ZC3HAV1L: variants seen among roughly 807,000 people sequenced by gnomAD.
ZC3HAV1L encodes the protein ZC3HAV1 like.
Under a neutral mutation model 28.2 loss-of-function variants are expected in ZC3HAV1L, and 23 were observed. That is an observed-to-expected ratio of 0.82 (90% CI 0.59 to 1.16). ZC3HAV1L has a LOEUF of 1.16. Ranked by LOEUF, ZC3HAV1L falls within the 50% of genes most tolerant of loss-of-function variation. The pLI is 0.00. For missense variants in ZC3HAV1L, 376 were observed against 387.7 expected (o/e 0.97, Z 0.25); for synonymous variants, 180 against 163.4 (o/e 1.10, Z -0.78).
At chr7:139,026,886 C>T (rs1815369699) in intron 3 of ZC3HAV1L, 53 bp from the exon 4 acceptor site, 67 of 1,569,984 alleles carry the variant, frequency 4.3e-5, no homozygotes, top group Non-Finnish European at 5.5e-5. Flanking sequence ...TTTCATTTTA[C>T]GTTGGGAGCA....
chr7:139,026,753 G>A lies in ZC3HAV1L; in HGVS notation c.841C>T (p.Pro281Ser). The change falls in exon 4 of 5, where the codon CCT becomes TCT. Residue 281 changes from proline (P) to serine (S), a missense_variant. Transcript: ENST00000275766. ...VHAAGAAEAG[P>S]LASVPAQSAK... ...GACTGAGCAGGGACAGAAGCCAGAG[G>A]ACCAGCTTCTGCAGCTCCAGCTGCG... 2 of 1,614,154 alleles carry A rather than the reference G, an allele frequency of 1.2e-6. No individual in the cohort carries two copies. The highest frequency in any genetic ancestry group is 1.7e-6 in the Non-Finnish European group (2 of 1,180,032).
At chr7:139,030,751 AG>A (rs35827385) in intron 2 of ZC3HAV1L, among the ~76,000 whole-genome samples, 73,116 of 149,050 alleles carry the variant, frequency 0.49, 18,147 homozygotes, top group Non-Finnish European at 0.53. Context: ...CCTGGGTGGC[AG>A]AGGTTGCAGT....
intron 3 of ZC3HAV1L, among the ~76,000 whole-genome samples, chr7:139,027,431 G>GGGAT (rs1270091372): frequency 1.3e-5 from 2 of 152,204 alleles, no homozygotes; most frequent in African/African-American, 2.4e-5. Flanking sequence ...CCAACACTTT[G>GGGAT]GGAGGCCAGG....
intron 2 of ZC3HAV1L, among the ~76,000 whole-genome samples, chr7:139,032,570 C>A (rs930990632): frequency 2.7e-5 from 4 of 149,078 alleles, no homozygotes; most frequent in South Asian, 2.1e-4. Context: ...TTGCAGTGAG[C>A]CGAGACCTCA....
chr7:139,030,985 T>C (rs10280239), intron 2 of ZC3HAV1L, among the ~76,000 whole-genome samples: 70,176 of 151,922 alleles, frequency 0.46, 16,793 homozygotes, highest in Non-Finnish European at 0.52. Flanking sequence ...GATGACCTGG[T>C]TTAAAATGAA....
At position 139,035,652 on chromosome 7, in the gene ZC3HAV1L, C is replaced by T. The variant is rs1434016542; in HGVS notation, c.365+1G>A. 6.3e-6 allele frequency: 9 copies of T among 1,425,714 alleles called. No individual in the cohort carries two copies. The highest frequency in any genetic ancestry group is 8.2e-6 in the Non-Finnish European group (9 of 1,098,222). 88.3% of individuals were successfully genotyped at this position (1,425,714 alleles called of 1,614,324 possible). A position where few individuals can be genotyped will look rare whatever the true frequency, so the allele number is the denominator to read the frequency against. ...GTCCCCGCCCGCCGCCGCCTTCTCA[C>T]CAGCAGTCCCGGTTGGGGCACTTGC... On this transcript the variant is annotated splice_donor_variant, in intron 1 of 4. Transcript: ENST00000275766. LOFTEE classifies it high-confidence loss of function.
intron 2 of ZC3HAV1L, among the ~76,000 whole-genome samples, chr7:139,033,562 G>A (rs1272432721): frequency 6.6e-6 from 1 of 152,146 alleles, no homozygotes; most frequent in Non-Finnish European, 1.5e-5. Context: ...CCCAGGTGAT[G>A]GGGACAAGTG....
At chr7:139,035,429 G>A in intron 1 of ZC3HAV1L, 2 of 985,400 alleles carry the variant, frequency 2.0e-6, no homozygotes, top group Non-Finnish European at 2.4e-6. Context: ...TTTCTGGCGT[G>A]GGCGGTTGAG....
In ZC3HAV1L at chr7:139,035,822, C is replaced by G. The variant is rs1217358494; in HGVS notation, c.196G>C (p.Glu66Gln). The G allele has an allele frequency of 2.0e-6, 3 of 1,483,928 alleles. No individual in the cohort carries two copies. The highest frequency in any genetic ancestry group is 2.9e-5 in the African/African-American group (2 of 68,202). 91.9% of individuals were successfully genotyped at this position (1,483,928 alleles called of 1,614,324 possible). The stretch of plus-strand genomic sequence containing the variant: ...CCGCCCACCGCGCCGGCCGCCGCCT[C>G]GGCCTCCGCGTCCCCGAGGCCCTCC... Reference protein sequence around the residue: ...TQEGLGDAEAEAAAGAVGGGG... With the variant: ...TQEGLGDAEAQAAAGAVGGGG... The change falls in exon 1 of 5, where the codon GAG (glutamate) becomes CAG (glutamine). Residue 66 changes from glutamate to glutamine, a missense_variant. Glu to Gln is a conservative substitution (Grantham distance 29). Transcript: ENST00000275766.
intron 3 of ZC3HAV1L, among the ~76,000 whole-genome samples, chr7:139,027,819 A>C (rs994182677): frequency 1.3e-5 from 2 of 152,256 alleles, no homozygotes; most frequent in African/African-American, 4.8e-5. Context: ...TTTGAGCACA[A>C]TTGGATTCGT....
chr7:139,025,194 ATC>A (rs899130935), downstream of ZC3HAV1L, among the ~76,000 whole-genome samples: 19 of 152,286 alleles, frequency 1.2e-4, no homozygotes, highest in Non-Finnish European at 2.8e-4. Context: ...CACACCTGTA[ATC>A]CCAGCAGTTT....
rs377662899 is a variant in ZC3HAV1L, at chr7:139,026,964, G to A, written c.761-131C>T. ...GGATTTGGAGAGTTCATGTCTTCTG[G>A]ATTTTAAAAAATTGTATGTGTGTGT... On this transcript the variant is annotated intron_variant, in intron 3 of 4. Transcript: ENST00000275766. 48 of 1,068,406 alleles carry A rather than the reference G, an allele frequency of 4.5e-5. 1 individual carries two copies. The African/African-American group carries it at 6.1e-4, about 14-fold the overall frequency. 66.2% of individuals were successfully genotyped at this position (1,068,406 alleles called of 1,614,324 possible). A position where few individuals can be genotyped will look rare whatever the true frequency, so the allele number is the denominator to read the frequency against.
intron 3 of ZC3HAV1L, 141 bp from the exon 4 acceptor site, chr7:139,026,974 A>C: frequency 1.0e-6 from 1 of 961,628 alleles, no homozygotes; most frequent in Middle Eastern, 2.2e-4. Context: ...GATTTTAAAA[A>C]ATTGTATGTG....
At chr7:139,031,029 T>C (rs1287429861) in intron 2 of ZC3HAV1L, among the ~76,000 whole-genome samples, 1 of 152,164 alleles carries the variant, frequency 6.6e-6, no homozygotes, top group African/African-American at 2.4e-5. Context: ...ATGCCAATTT[T>C]CTAAAATAAA....
chr7:139,030,858 A>T lies in ZC3HAV1L; in HGVS notation c.502-1898T>A, dbSNP rs146593137. On this transcript the variant is annotated intron_variant, in intron 2 of 4. Transcript: ENST00000275766. ...ATTAATTAATTAATTAATTAATTAA[A>T]TAAAGTGAAATAAATCCTAAATCTG... Among the ~76,000 whole-genome samples, 577 of 152,004 alleles carry T rather than the reference A, an allele frequency of 3.8e-3. 1 individual carries two copies. Among genetic ancestry groups the T allele is most frequent in the African/African-American group, 0.013 (537 of 41,462 alleles).
intron 2 of ZC3HAV1L, among the ~76,000 whole-genome samples, 178 bp downstream of exon 2, chr7:139,034,365 C>T (rs554957144): frequency 6.6e-6 from 1 of 152,156 alleles, no homozygotes; most frequent in African/African-American, 2.4e-5. Context: ...TATGGCTAAA[C>T]TGAAACAAAC....
At chr7:139,029,939 T>C (rs908969195) in intron 2 of ZC3HAV1L, among the ~76,000 whole-genome samples, 2 of 152,188 alleles carry the variant, frequency 1.3e-5, no homozygotes, top group African/African-American at 4.8e-5. Context: ...AACTTTATAA[T>C]GATGGGATCA....
chr7:139,035,116 C>G (rs766865865), intron 1 of ZC3HAV1L: 32 of 985,478 alleles, frequency 3.2e-5, no homozygotes, highest in Non-Finnish European at 3.9e-5. Context: ...AGCCCCGAAC[C>G]CCAGCTCTGG....
Position 139,026,386 on chromosome 7 carries a change from T to G in ZC3HAV1L, c.*158A>C. On this transcript the variant is annotated 3_prime_UTR_variant, in exon 5 of 5. Transcript: ENST00000275766. ...CAGCCTGAGGAAAGCACCTAGGAGC[T>G]GCAGATAGCAGCTGCCATCTTCAGC... The G allele has an allele frequency of 8.5e-7, 1 of 1,171,470 alleles. No homozygotes were observed. Among genetic ancestry groups the G allele is most frequent in the Non-Finnish European group, 1.2e-6 (1 of 855,722 alleles). The allele number at this position is 1,171,470 out of a possible 1,614,324, so 72.6% of individuals were successfully genotyped here. A position where few individuals can be genotyped will look rare whatever the true frequency, so the allele number is the denominator to read the frequency against.
Sources: gnomAD v4.1 joint callset for allele counts (sites outside exome capture counted in the v4.1 genomes callset) on GRCh38, gnomAD v4.1.1 for gene constraint, MANE v1.5 for transcripts, NCBI Gene and HGNC (gene_info 2026-07-23, HGNC 2026-07-21) for gene names.